The following SULT1C3 variants were observed in gnomAD, a reference collection of about 807,000 sequenced individuals.
SULT1C3 encodes sulfotransferase family 1C member 3, also known as sulfotransferase 1C3.
In SULT1C3, 31 loss-of-function variants were observed where a neutral mutation model predicts 28.4. The ratio of observed to expected loss-of-function variants is 1.09; its 90% CI spans 0.82 to 1.47. The LOEUF (loss-of-function observed/expected upper bound fraction) is 1.47, where lower values mean the gene tolerates loss of function less well. SULT1C3 is among the 40% of genes most tolerant of loss of function. The pLI, the probability that SULT1C3 is intolerant of heterozygous loss-of-function variation, is 0.00. For missense variants in SULT1C3, 307 were observed against 272.5 expected (o/e 1.13, Z -0.89); for synonymous variants, 106 against 92.2 (o/e 1.15, Z -0.86).
chr2:108,260,285 A>C (rs1446308095), intron 7 of SULT1C3, among the ~76,000 whole-genome samples: 1 of 152,124 alleles, frequency 6.6e-6, no homozygotes, highest in Non-Finnish European at 1.5e-5. Context: ...GGTACACTAG[A>C]GCCAGGAGTG....
intron 1 of SULT1C3, among the ~76,000 whole-genome samples, chr2:108,246,391 AC>A (rs1382892912): frequency 6.6e-6 from 1 of 152,214 alleles, no homozygotes; most frequent in Non-Finnish European, 1.5e-5. Context: ...GGTTTAACAG[AC>A]TTAAAGTTCC....
rs17035932 is a variant in SULT1C3, at chr2:108,260,527, T to C, written c.803-41T>C. On this transcript the variant is annotated intron_variant, in intron 7 of 7. Transcript: ENST00000681802. ...TTCACTATAGAAAGGTTAGGTGGAA[T>C]GGGTGCAGAGTCTGTCATGAACTTC... 4.5e-3 allele frequency: 2,207 copies of C among 485,168 alleles called. 39 individuals are homozygous for C. Among genetic ancestry groups the C allele is most frequent in the African/African-American group, 0.038 (1,975 of 51,486 alleles). The allele number at this position is 485,168 out of a possible 1,614,324, so 30.1% of individuals were successfully genotyped here. A position where few individuals can be genotyped will look rare whatever the true frequency, so the allele number is the denominator to read the frequency against.
In SULT1C3 at chr2:108,258,724, C is replaced by T; in HGVS notation, c.527-10C>T. The T allele has an allele frequency of 6.2e-7, 1 of 1,609,468 alleles. No homozygotes were observed. Among genetic ancestry groups the T allele is most frequent in the Non-Finnish European group, 8.5e-7 (1 of 1,176,974 alleles). On this transcript the variant is annotated splice_polypyrimidine_tract_variant and intron_variant, in intron 5 of 7. Coordinates refer to ENST00000681802, the MANE Select transcript of SULT1C3 (RefSeq NM_001320878.2). ...GTACTGGGAACTAACAGTGCTCTGA[C>T]TTCTTCCAGTTGTTGGCGGGTCCTG... is the stretch of plus-strand genomic sequence containing the variant.
chr2:108,256,581 G>A (rs1377119079), intron 5 of SULT1C3, among the ~76,000 whole-genome samples: 1 of 152,066 alleles, frequency 6.6e-6, no homozygotes, highest in Non-Finnish European at 1.5e-5. Flanking sequence ...TTGTGATGCT[G>A]AGAGCTCCCA....
chr2:108,248,235 T>C (rs1198432695), intron 2 of SULT1C3, among the ~76,000 whole-genome samples: 7 of 152,110 alleles, frequency 4.6e-5, no homozygotes, highest in Non-Finnish European at 1.0e-4. Context: ...TCCAAAAGAA[T>C]GATCACTAAC....
chr2:108,246,736 C>A (rs1007956570), intron 1 of SULT1C3, among the ~76,000 whole-genome samples: 1 of 152,108 alleles, frequency 6.6e-6, no homozygotes, highest in East Asian at 1.9e-4. Context: ...TCCTTAAAAC[C>A]ATTGTTTTGA....
At chr2:108,242,088 A>G (rs912195932) in intron 1 of SULT1C3, among the ~76,000 whole-genome samples, 5 of 152,188 alleles carry the variant, frequency 3.3e-5, no homozygotes, top group African/African-American at 1.2e-4. Context: ...AAAGCAGGCA[A>G]TATACAACCT....
At position 108,252,423 on chromosome 2, in the gene SULT1C3, A is replaced by C. The variant is rs1394641922; in HGVS notation, c.231A>C (p.Lys77Asn). ...DMILNDGDVE[K>N]CKRAQTLDRH... Reference sequence around the variant, plus strand: ...TTCTAAATGATGGTGATGTGGAGAAATGCAAAAGAGCCCAGACTCTAGATA... The same window carrying C: ...TTCTAAATGATGGTGATGTGGAGAACTGCAAAAGAGCCCAGACTCTAGATA... Residue 77 changes from lysine (K) to asparagine (N), a missense_variant, in exon 3 of 8, where the codon AAA (lysine) becomes AAC (asparagine). Lys to Asn is a moderately conservative substitution (Grantham distance 94). Transcript: ENST00000681802. 6 of 1,612,548 alleles carry C rather than the reference A, an allele frequency of 3.7e-6. No individual in the cohort carries two copies. The South Asian group carries it at 6.6e-5, about 18-fold the overall frequency.
At chr2:108,263,936 C>A (rs1676076493), downstream of SULT1C3, among the ~76,000 whole-genome samples, 1 of 152,162 alleles carries the variant, frequency 6.6e-6, no homozygotes, top group Admixed American at 6.5e-5. Flanking sequence ...AGCCAGATAT[C>A]TTTATCTGCA....
chr2:108,264,820 T>C (rs746538420), downstream of SULT1C3: 6 of 1,604,336 alleles, frequency 3.7e-6, no homozygotes, highest in Non-Finnish European at 5.1e-6. Flanking sequence ...CTGTTCCACA[T>C]ACAGGACCCA....
chr2:108,253,012 A>C (rs955774978), intron 3 of SULT1C3, among the ~76,000 whole-genome samples: 1 of 152,014 alleles, frequency 6.6e-6, no homozygotes, highest in African/African-American at 2.4e-5. Context: ...ATTGTAAAAA[A>C]ATGGATGTAA....
At chr2:108,245,640 C>T (rs1051069225) in intron 1 of SULT1C3, among the ~76,000 whole-genome samples, 15 of 152,084 alleles carry the variant, frequency 9.9e-5, no homozygotes, top group Non-Finnish European at 1.5e-4. Context: ...CTGCACACAA[C>T]GCGGGGACCC....
chr2:108,253,409 G>A lies in SULT1C3; in HGVS notation c.366G>A (p.Leu122=). ...TAAAAACACATCTCCCTTCACATCT[G>A]ATTCCACCATCTATCTGGAAAGAAA... is the stretch of plus-strand genomic sequence containing the variant. ...QLIKTHLPSH[L]IPPSIWKENC... is the part of the protein sequence containing the mutation. The change falls in exon 4 of 8, where the codon CTG becomes CTA. Residue 122 remains leucine (L), a synonymous_variant. Transcript: ENST00000681802. The A allele has an allele frequency of 6.4e-7, 1 of 1,565,126 alleles. No individual in the cohort carries two copies. The highest frequency in any genetic ancestry group is 8.7e-7 in the Non-Finnish European group (1 of 1,155,084).
intron 1 of SULT1C3, among the ~76,000 whole-genome samples, chr2:108,244,437 T>C (rs976774935): frequency 6.6e-6 from 1 of 152,246 alleles, no homozygotes; most frequent in Non-Finnish European, 1.5e-5. Context: ...ACAGTTGTTA[T>C]GAGGTATCGC....
chr2:108,254,516 T>A (rs1212209704), intron 4 of SULT1C3, among the ~76,000 whole-genome samples: 5 of 151,954 alleles, frequency 3.3e-5, no homozygotes, highest in African/African-American at 1.2e-4. Context: ...ACCTCACTGA[T>A]CAGACTGTGA....
In SULT1C3 at chr2:108,247,224, G is replaced by A. The variant is rs113646668; in HGVS notation, c.30G>A (p.Thr10=). The change falls in exon 2 of 8, where the codon ACG becomes ACA. Residue 10 remains threonine, a synonymous_variant. Transcript: ENST00000681802. ...CGAAGATTGAGAAAAACGCTCCCAC[G>A]ATGGAAAAAAAGCCAGAACTGTTTA... is the stretch of plus-strand genomic sequence containing the variant. MAKIEKNAP[T]MEKKPELFNI... The A allele has an allele frequency of 2.3e-4, 350 of 1,537,810 alleles. 3 individuals carry two copies. The African/African-American group carries it at 2.3e-3, about 10-fold the overall frequency.
At chr2:108,262,390 TA>T (rs1676043411), downstream of SULT1C3, among the ~76,000 whole-genome samples, 1 of 152,194 alleles carries the variant, frequency 6.6e-6, no homozygotes, top group African/African-American at 2.4e-5. Flanking sequence ...ATGCTGTCAA[TA>T]AAGACATTTC....
intron 2 of SULT1C3, among the ~76,000 whole-genome samples, chr2:108,249,029 A>G (rs1278956719): frequency 6.6e-6 from 1 of 152,152 alleles, no homozygotes; most frequent in Non-Finnish European, 1.5e-5. Flanking sequence ...CAGTTATCTC[A>G]ATACTACAGC....
chr2:108,252,081 A>G lies in SULT1C3; in HGVS notation c.173-284A>G, dbSNP rs139871310. On this transcript the variant is annotated intron_variant, in intron 2 of 7. Transcript: ENST00000681802. Reference sequence around the variant, plus strand: ...GACAGATAATAGGAAGATAGTAGATACATACATACATACATACTTAGATAC... The same window carrying G: ...GACAGATAATAGGAAGATAGTAGATGCATACATACATACATACTTAGATAC... Among the ~76,000 whole-genome samples, 1,148 of 152,012 alleles carry G rather than the reference A, an allele frequency of 7.6e-3. 7 individuals carry two copies. The highest frequency in any genetic ancestry group is 0.013 in the Non-Finnish European group (904 of 67,902).
Sources: allele counts gnomAD v4.1 joint callset (sites outside exome capture counted in the v4.1 genomes callset), GRCh38; gene constraint gnomAD v4.1.1; transcripts MANE v1.5; gene names NCBI Gene and HGNC (gene_info 2026-07-23, HGNC 2026-07-21).